The following DLG2 variants were observed in gnomAD, a reference collection of about 807,000 sequenced individuals.
DLG2 encodes disks large homolog 2.
A neutral mutation model predicts 132.5 loss-of-function variants in DLG2; 45 were observed. The observed-to-expected ratio is 0.34, with a 90% confidence interval of 0.27 to 0.44. DLG2 has a LOEUF of 0.44. Among genes scored for constraint, DLG2 ranks in the 20% least tolerant of loss-of-function variants. The pLI is 1.00. For synonymous variants in DLG2, 424 were observed against 419.6 expected, an observed-to-expected ratio of 1.01 and a Z score of -0.13; for missense variants, 1,045 against 1,196.9, an observed-to-expected ratio of 0.87 and a Z score of 1.87.
intron 7 of DLG2, among the ~76,000 whole-genome samples, chr11:84,417,627 C>G (rs1371180626): frequency 6.6e-6 from 1 of 152,120 alleles, no homozygotes; most frequent in African/African-American, 2.4e-5. Flanking sequence ...CAACCCTGAC[C>G]CATGCCCATC....
In DLG2 at chr11:84,315,078, A is replaced by C. The variant is rs574703694; in HGVS notation, c.520-63787T>G. 4.6e-5 allele frequency among the ~76,000 whole-genome samples: 7 copies of C among 152,294 alleles called. No individual in the cohort carries two copies. In the East Asian group the frequency reaches 1.3e-3, roughly 29 times the overall value. ...GGAAAATGTATAGAAATGCTTATGC[A>C]AAAGAATAAGGAGAGATGGTGGCTA... On this transcript the variant is annotated intron_variant, in intron 7 of 27. Transcript: ENST00000376104.
chr11:83,519,732 A>G (rs931782695), intron 21 of DLG2, among the ~76,000 whole-genome samples: 1 of 152,254 alleles, frequency 6.6e-6, no homozygotes, highest in African/African-American at 2.4e-5. Context: ...AGCTTTGCCT[A>G]TTACTGCGAA....
At chr11:84,514,119 T>A (rs1429040524) in intron 7 of DLG2, among the ~76,000 whole-genome samples, 1 of 152,050 alleles carries the variant, frequency 6.6e-6, no homozygotes, top group African/African-American at 2.4e-5. Context: ...ATCAGAGAAA[T>A]GCAAGTCAAA....
chr11:85,528,190 TA>T, intron 3 of DLG2, among the ~76,000 whole-genome samples: 1 of 152,348 alleles, frequency 6.6e-6, no homozygotes, highest in Non-Finnish European at 1.5e-5. Flanking sequence ...TTAGTTTAAT[TA>T]GATCCCATTT....
chr11:85,029,844 T>C (rs2060860167), intron 6 of DLG2, among the ~76,000 whole-genome samples: 1 of 152,170 alleles, frequency 6.6e-6, no homozygotes, highest in Admixed American at 6.6e-5. Context: ...TAGGTGGGCT[T>C]ACAGGCCTGT....
intron 7 of DLG2, among the ~76,000 whole-genome samples, chr11:84,495,745 T>C (rs748112061): frequency 2.0e-5 from 3 of 152,142 alleles, no homozygotes; most frequent in Non-Finnish European, 4.4e-5. Context: ...GACCTCTAAT[T>C]ATGTGGCCTC....
At chr11:85,345,789 T>C (rs1040916616) in intron 3 of DLG2, among the ~76,000 whole-genome samples, 1 of 152,096 alleles carries the variant, frequency 6.6e-6, no homozygotes, top group African/African-American at 2.4e-5. Flanking sequence ...TTGAGAATTG[T>C]TACCCCAAAG....
At chr11:85,305,042 T>A (rs2079848959) in intron 3 of DLG2, among the ~76,000 whole-genome samples, 1 of 152,192 alleles carries the variant, frequency 6.6e-6, no homozygotes, top group African/African-American at 2.4e-5. Context: ...TAAATATTTG[T>A]TGAATGATTG....
chr11:84,523,234 G>A (rs189850685), intron 7 of DLG2, among the ~76,000 whole-genome samples: 1 of 151,946 alleles, frequency 6.6e-6, no homozygotes, highest in African/African-American at 2.4e-5. Context: ...ACTACTAGGC[G>A]CCAAGTACTA....
At chr11:83,524,446 A>G (rs1002047466) in intron 21 of DLG2, among the ~76,000 whole-genome samples, 1 of 151,952 alleles carries the variant, frequency 6.6e-6, no homozygotes, top group African/African-American at 2.4e-5. Context: ...TTCCTGCTGA[A>G]AATTTTCTGG....
At chr11:85,461,024 C>G (rs1488703297) in intron 3 of DLG2, among the ~76,000 whole-genome samples, 2 of 152,088 alleles carry the variant, frequency 1.3e-5, no homozygotes, top group African/African-American at 4.8e-5. Flanking sequence ...CTCAAAGAAC[C>G]ACTGCAAATA....
chr11:83,693,314 T>C (rs1205783079), intron 18 of DLG2, among the ~76,000 whole-genome samples: 1 of 152,132 alleles, frequency 6.6e-6, no homozygotes, highest in Non-Finnish European at 1.5e-5. Context: ...TACTGTTGAA[T>C]AGTCACTGGA....
chr11:84,883,875 T>A (rs575864662), intron 6 of DLG2, among the ~76,000 whole-genome samples: 33 of 152,130 alleles, frequency 2.2e-4, no homozygotes, highest in Admixed American at 6.6e-4. Context: ...TCATTCACTC[T>A]GTGGAATCTG....
chr11:83,487,244 G>T (rs1243334667), intron 21 of DLG2, among the ~76,000 whole-genome samples: 1 of 152,016 alleles, frequency 6.6e-6, no homozygotes, highest in Non-Finnish European at 1.5e-5. Flanking sequence ...GTGGCATGGG[G>T]CAAGCTGGCA....
At chr11:84,431,849 A>G (rs1279349085) in intron 7 of DLG2, among the ~76,000 whole-genome samples, 2 of 152,188 alleles carry the variant, frequency 1.3e-5, no homozygotes, top group African/African-American at 4.8e-5. Context: ...CTGTGAAATC[A>G]AGATGCATCT....
At chr11:83,905,658 T>C (rs1256956303) in intron 15 of DLG2, among the ~76,000 whole-genome samples, 2 of 152,212 alleles carry the variant, frequency 1.3e-5, no homozygotes, top group Non-Finnish European at 2.9e-5. Context: ...GGACCACTTA[T>C]TGAGAATCAA....
Position 83,921,986 on chromosome 11 carries a change from C to G in DLG2, c.1496+8342G>C, listed in dbSNP as rs2078024698. Among the ~76,000 whole-genome samples, 4 of 152,056 alleles carry G rather than the reference C, an allele frequency of 2.6e-5. No homozygotes were observed. In the South Asian group the frequency reaches 8.3e-4, roughly 31 times the overall value. ...CTCTGTTATCTCAAGGTATTTGACC[C>G]TCATGAAGCCTCCTGACTCTACCTG... On this transcript the variant is annotated intron_variant, in intron 15 of 27. Coordinates refer to ENST00000376104, the MANE Select transcript of DLG2 (RefSeq NM_001142699.3).
intron 22 of DLG2, among the ~76,000 whole-genome samples, chr11:83,478,260 A>C (rs1446290943): frequency 6.6e-6 from 1 of 152,076 alleles, no homozygotes; most frequent in Non-Finnish European, 1.5e-5. Flanking sequence ...GCTGTGATAA[A>C]GACTCTTCTT....
chr11:84,353,100 T>C (rs1006949975), intron 7 of DLG2, among the ~76,000 whole-genome samples: 2 of 152,164 alleles, frequency 1.3e-5, no homozygotes, highest in African/African-American at 4.8e-5. Context: ...TCCCTCCTAT[T>C]TGCAAACAAA....
Sources: allele counts gnomAD v4.1 joint callset (sites outside exome capture counted in the v4.1 genomes callset), GRCh38; gene constraint gnomAD v4.1.1; transcripts MANE v1.5; gene names NCBI Gene and HGNC (gene_info 2026-07-23, HGNC 2026-07-21).